The following GET3 variants were observed in gnomAD, a reference collection of about 807,000 sequenced individuals.
GET3 encodes the protein guided entry of tail-anchored proteins factor 3, ATPase.
GET3 carries 15 observed loss-of-function variants against 32.4 expected under a neutral mutation model. The ratio of observed to expected loss-of-function variants is 0.46; its 90% CI spans 0.31 to 0.71. The LOEUF (loss-of-function observed/expected upper bound fraction) is 0.71, where lower values mean the gene tolerates loss of function less well. Ranked by LOEUF, GET3 falls within the 30% of genes least tolerant of loss-of-function variation. The pLI, the probability that GET3 is intolerant of heterozygous loss-of-function variation, is 0.05. For synonymous variants in GET3, 198 were observed against 185.6 expected (o/e 1.07, Z -0.54); for missense variants, 333 against 459.0 (o/e 0.73, Z 2.51).
intron 2 of GET3, among the ~76,000 whole-genome samples, chr19:12,740,688 A>T (rs543000230): frequency 6.6e-4 from 100 of 152,310 alleles, no homozygotes; most frequent in African/African-American, 1.7e-3. Context: ...AATAATAAAT[A>T]AAAATAAAAT....
chr19:12,744,612 G>C (rs949908213), intron 2 of GET3, among the ~76,000 whole-genome samples: 1 of 152,134 alleles, frequency 6.6e-6, no homozygotes, highest in Non-Finnish European at 1.5e-5. Flanking sequence ...GAGGTACCGC[G>C]CCTGGCTGGA....
In GET3 at chr19:12,747,488, G is replaced by A. The variant is rs2145696333; in HGVS notation, c.811G>A (p.Asp271Asn). The change falls in exon 6 of 7, where the codon GAC becomes AAC. Residue 271 changes from aspartate to asparagine, a missense_variant. Asp to Asn is a conservative substitution (Grantham distance 23). Transcript: ENST00000357332. This position sits in a 1 kb window ranked among gnomAD's most constrained non-coding sequence, Gnocchi z 4.0. ...LIQELAKCKI[D>N]THNIIVNQLV... ...CCAGGAGCTGGCCAAGTGCAAGATTGACACACACAATATAATTGTCAACCA... is the reference window on the plus strand; with the variant it reads ...CCAGGAGCTGGCCAAGTGCAAGATTAACACACACAATATAATTGTCAACCA... 6.2e-7 allele frequency: 1 copy of A among 1,613,990 alleles called. No individual in the cohort carries two copies. Among genetic ancestry groups the A allele is most frequent in the South Asian group, 1.1e-5 (1 of 91,064 alleles).
At position 12,737,530 on chromosome 19, in the gene GET3, G is replaced by A. The variant is rs368712317; in HGVS notation, c.25G>A (p.Gly9Arg). The A allele has an allele frequency of 3.2e-6, 5 of 1,574,826 alleles. No individual in the cohort carries two copies. The highest frequency in any genetic ancestry group is 4.3e-6 in the Non-Finnish European group (5 of 1,161,912). MAAGVAGW[G>R]VEAEEFEDAP... ...AATGGCGGCAGGGGTGGCCGGGTGG[G>A]GGGTTGAGGCAGAGGAGTTCGAAGA... Residue 9 changes from glycine (G) to arginine (R), a missense_variant, in exon 1 of 7, where the codon GGG (glycine) becomes AGG (arginine). By Grantham distance (125) the Gly-to-Arg change is moderately radical. This residue lies in a region of GET3 where 64 missense variants were observed against 36.7 expected (regional missense o/e 1.74). Coordinates refer to ENST00000357332, the MANE Select transcript of GET3 (RefSeq NM_004317.4).
intron 2 of GET3, among the ~76,000 whole-genome samples, chr19:12,740,591 G>A (rs961376850): frequency 6.6e-6 from 1 of 151,898 alleles, no homozygotes; most frequent in East Asian, 1.9e-4. Flanking sequence ...GCAGGAGAAT[G>A]GCGTGAACGC....
At chr19:12,740,600 G>A (rs1967650082) in intron 2 of GET3, among the ~76,000 whole-genome samples, 2 of 150,192 alleles carry the variant, frequency 1.3e-5, no homozygotes, top group East Asian at 3.9e-4. Flanking sequence ...TGGCGTGAAC[G>A]CGGGAAGTGG....
In GET3 at chr19:12,745,709, C is replaced by T. The variant is rs1300305534; in HGVS notation, c.559C>T (p.Leu187=). 1.2e-6 allele frequency: 2 copies of T among 1,612,698 alleles called. No individual in the cohort carries two copies. The highest frequency in any genetic ancestry group is 1.3e-5 in the African/African-American group (1 of 74,906). ...LNFPTIVERG[L]GRLMQIKNQI... is the part of the protein sequence containing the mutation. Reference sequence around the variant, plus strand: ...CTTCCCCACCATCGTGGAGCGGGGCCTGGGCCGGCTTATGCAGATCAAGAA... The same window carrying T: ...CTTCCCCACCATCGTGGAGCGGGGCTTGGGCCGGCTTATGCAGATCAAGAA... Residue 187 remains leucine (L), a synonymous_variant, in exon 4 of 7, where the codon CTG becomes TTG. Coordinates refer to ENST00000357332, the MANE Select transcript of GET3 (RefSeq NM_004317.4). The surrounding 1 kb of genome is among the most constrained non-coding windows in gnomAD (Gnocchi z 5.0).
chr19:12,743,618 G>A (rs1398320602), intron 2 of GET3, among the ~76,000 whole-genome samples: 1 of 150,210 alleles, frequency 6.7e-6, no homozygotes, highest in African/African-American at 2.4e-5. Context: ...GTGAAACCCC[G>A]TCTCTACTAA....
chr19:12,741,530 G>A (rs1414285116), intron 2 of GET3, among the ~76,000 whole-genome samples: 6 of 151,200 alleles, frequency 4.0e-5, no homozygotes, highest in South Asian at 4.2e-4. Context: ...AGGCTGAGGC[G>A]GGCAGATCAC....
At position 12,747,496 on chromosome 19, in the gene GET3, C is replaced by T; in HGVS notation, c.819C>T (p.His273=). 1.9e-6 allele frequency: 3 copies of T among 1,614,076 alleles called. No homozygotes were observed. Among genetic ancestry groups the T allele is most frequent in the Admixed American group, 1.7e-5 (1 of 59,992 alleles). ...QELAKCKIDT[H]NIIVNQLVFP... Reference sequence around the variant, plus strand: ...TGGCCAAGTGCAAGATTGACACACACAATATAATTGTCAACCAGCTCGTCT... The same window carrying T: ...TGGCCAAGTGCAAGATTGACACACATAATATAATTGTCAACCAGCTCGTCT... The change falls in exon 6 of 7, where the codon CAC becomes CAT. Residue 273 remains histidine, a synonymous_variant. Transcript: ENST00000357332. This position sits in a 1 kb window ranked among gnomAD's most constrained non-coding sequence, Gnocchi z 4.0.
In GET3 at chr19:12,747,768, C is replaced by A. The variant is rs1176166511; in HGVS notation, c.915+176C>A. ...GACTGTGGCTGGCCTGGCCTAGGTC[C>A]CTGTGACCCTGGAGAGCAGGGGGTC... On this transcript the variant is annotated intron_variant, in intron 6 of 6. Transcript: ENST00000357332. This position sits in a 1 kb window ranked among gnomAD's most constrained non-coding sequence, Gnocchi z 4.0. Among the ~76,000 whole-genome samples, 1 of 152,170 alleles carries A rather than the reference C, an allele frequency of 6.6e-6. No individual in the cohort carries two copies. Among genetic ancestry groups the A allele is most frequent in the Non-Finnish European group, 1.5e-5 (1 of 68,042 alleles).
chr19:12,747,154 T>TTTAAGG lies in GET3; in HGVS notation c.610-43_610-42insTTAAGG, dbSNP rs137889224. 6.9e-3 allele frequency: 10,393 copies of TTTAAGG among 1,516,622 alleles called. 625 individuals carry two copies. In the African/African-American group the frequency reaches 0.13, roughly 18 times the overall value. The allele number at this position is 1,516,622 out of a possible 1,614,324, so 93.9% of individuals were successfully genotyped here. A position where few individuals can be genotyped will look rare whatever the true frequency, so the allele number is the denominator to read the frequency against. ...TTTAGTGAACCCCCAACCCAGGAGG[T>TTTAAGG]CGCCGCAGGTAAGCTATGAGCCCTC... is the stretch of plus-strand genomic sequence containing the variant. On this transcript the variant is annotated intron_variant, in intron 4 of 6. Coordinates refer to ENST00000357332, the MANE Select transcript of GET3 (RefSeq NM_004317.4). The surrounding 1 kb of genome is among the most constrained non-coding windows in gnomAD (Gnocchi z 4.0).
intron 1 of GET3, among the ~76,000 whole-genome samples, chr19:12,738,137 C>T (rs1967607279): frequency 1.3e-5 from 2 of 152,126 alleles, no homozygotes; most frequent in African/African-American, 4.8e-5. Context: ...GACAAGCAGA[C>T]TGAACCATCC....
chr19:12,739,985 C>T (rs905497224), intron 2 of GET3, among the ~76,000 whole-genome samples: 5 of 151,758 alleles, frequency 3.3e-5, no homozygotes, highest in African/African-American at 1.2e-4. Flanking sequence ...AGCAGAGATT[C>T]TCCTGCCTCA....
In GET3 at chr19:12,747,873, C is replaced by A; in HGVS notation, c.916-100C>A. The A allele has an allele frequency of 7.6e-7, 1 of 1,307,980 alleles. No individual in the cohort carries two copies. Among genetic ancestry groups the A allele is most frequent in the Non-Finnish European group, 1.1e-6 (1 of 944,720 alleles). 81.0% of individuals were successfully genotyped at this position (1,307,980 alleles called of 1,614,324 possible). ...CTCCTGCCCTATATTCTCTCCCTGA[C>A]TCTGGAAGCTTTCTAGCTTTACCGC... On this transcript the variant is annotated intron_variant, in intron 6 of 6. Transcript: ENST00000357332. The surrounding 1 kb of genome is among the most constrained non-coding windows in gnomAD (Gnocchi z 4.0).
Position 12,745,374 on chromosome 19 carries a change from C to A in GET3, c.310-3C>A, listed in dbSNP as rs201492774. Reference sequence around the variant, plus strand: ...ACCTCAGTCTCATCCCTTTGGCCCCCAGGAGATTGACCCCAGCCTGGGCGT... The same window carrying A: ...ACCTCAGTCTCATCCCTTTGGCCCCAAGGAGATTGACCCCAGCCTGGGCGT... On this transcript the variant is annotated splice_polypyrimidine_tract_variant and splice_region_variant and intron_variant, in intron 2 of 6. Transcript: ENST00000357332. This position sits in a 1 kb window ranked among gnomAD's most constrained non-coding sequence, Gnocchi z 5.0. The A allele has an allele frequency of 6.2e-7, 1 of 1,608,876 alleles. No individual in the cohort carries two copies. The highest frequency in any genetic ancestry group is 1.3e-5 in the African/African-American group (1 of 74,914).
chr19:12,747,318 T>C lies in GET3; in HGVS notation c.717+14T>C, dbSNP rs953357153. 2 of 1,609,040 alleles carry C rather than the reference T, an allele frequency of 1.2e-6. No individual in the cohort carries two copies. The highest frequency in any genetic ancestry group is 1.7e-6 in the Non-Finnish European group (2 of 1,176,348). ...TTCAAGGACCCTGTGAGTGGTGGTCTGGCTGGCGGTGAGAGGCCCGGGGGC... is the reference window on the plus strand; with the variant it reads ...TTCAAGGACCCTGTGAGTGGTGGTCCGGCTGGCGGTGAGAGGCCCGGGGGC... On this transcript the variant is annotated intron_variant, in intron 5 of 6. Transcript: ENST00000357332. The surrounding 1 kb of genome is among the most constrained non-coding windows in gnomAD (Gnocchi z 4.0).
At chr19:12,743,014 G>C (rs1967698641) in intron 2 of GET3, among the ~76,000 whole-genome samples, 1 of 152,192 alleles carries the variant, frequency 6.6e-6, no homozygotes, top group Non-Finnish European at 1.5e-5. Flanking sequence ...GGCCAGGTGA[G>C]GGGATGAAGT....
intron 2 of GET3, among the ~76,000 whole-genome samples, chr19:12,741,721 T>C (rs899645635): frequency 2.0e-5 from 3 of 151,120 alleles, no homozygotes; most frequent in African/African-American, 7.3e-5. Context: ...ATCATGCCAC[T>C]GCACTCCAGC....
Position 12,747,945 on chromosome 19 carries a change from T to C in GET3, c.916-28T>C. On this transcript the variant is annotated intron_variant, in intron 6 of 6. Transcript: ENST00000357332. The surrounding 1 kb of genome is among the most constrained non-coding windows in gnomAD (Gnocchi z 4.0). Reference sequence around the variant, plus strand: ...CTCTGCCTTCCTGCCCCCTGACCACTGCCTTCTACCCTCTGCCCTGGCTGC... The same window carrying C: ...CTCTGCCTTCCTGCCCCCTGACCACCGCCTTCTACCCTCTGCCCTGGCTGC... The C allele has an allele frequency of 6.4e-7, 1 of 1,563,542 alleles. No individual in the cohort carries two copies. Among genetic ancestry groups the C allele is most frequent in the East Asian group, 2.3e-5 (1 of 44,186 alleles).
Sources: gnomAD v4.1 joint callset for allele counts (sites outside exome capture counted in the v4.1 genomes callset) on GRCh38, gnomAD v4.1.1 for gene constraint, gnomAD v4.1.1 regional missense constraint, Gnocchi (gnomAD v3.1) non-coding constraint, MANE v1.5 for transcripts, NCBI Gene and HGNC (gene_info 2026-07-23, HGNC 2026-07-21) for gene names.